The following TRAK1 variants were observed in gnomAD, a reference collection of about 807,000 sequenced individuals.
TRAK1 encodes trafficking kinesin protein 1, also known as trafficking kinesin-binding protein 1.
TRAK1 carries 33 observed loss-of-function variants against 92.1 expected under a neutral mutation model. The ratio of observed to expected loss-of-function variants is 0.36; its 90% CI spans 0.27 to 0.48. The LOEUF is 0.48. TRAK1 is among the 20% of genes least tolerant of loss of function. The pLI is 0.99. For missense variants in TRAK1, 1,123 were observed against 1,257.9 expected (o/e 0.89, Z 1.62); for synonymous variants, 521 against 517.3 (o/e 1.01, Z -0.10).
chr3:42,219,726 C>T (rs1421558425), intron 15 of TRAK1, 130 bp downstream of exon 15: 1 of 916,810 alleles, frequency 1.1e-6, no homozygotes. Flanking sequence ...CCAGTGTAAG[C>T]ATCTCAGCAT....
chr3:42,029,729 T>A (rs1408739465), intron 1 of TRAK1, among the ~76,000 whole-genome samples: 2 of 152,054 alleles, frequency 1.3e-5, no homozygotes, highest in Non-Finnish European at 2.9e-5. Context: ...TTTGTATTTT[T>A]AGTAGAGACG....
intron 2 of TRAK1, chr3:42,149,420 G>A: frequency 6.7e-7 from 1 of 1,499,054 alleles, no homozygotes; most frequent in Non-Finnish European, 8.9e-7. Context: ...TAATTCTGGT[G>A]TGTTTCGGGA....
At chr3:42,092,344 C>A (rs1181490507) in intron 1 of TRAK1, among the ~76,000 whole-genome samples, 2 of 152,238 alleles carry the variant, frequency 1.3e-5, no homozygotes, top group Non-Finnish European at 2.9e-5. Context: ...AAGTGAGCTC[C>A]TGTTCCATTC....
chr3:42,219,026 CTGTT>C (rs1710039103), intron 14 of TRAK1: 1 of 985,326 alleles, frequency 1.0e-6, no homozygotes, highest in Non-Finnish European at 1.2e-6. Context: ...GAGCCTTGCC[CTGTT>C]TGCAGGTTTC....
upstream of TRAK1, among the ~76,000 whole-genome samples, chr3:42,089,915 A>G (rs567375775): frequency 3.3e-5 from 5 of 152,260 alleles, no homozygotes; most frequent in South Asian, 2.1e-4. Flanking sequence ...GGGTGTATCA[A>G]TTGTGTCAAT....
intron 2 of TRAK1, 121 bp from the exon 3 acceptor site, chr3:42,176,693 G>A (rs894072975): frequency 5.9e-6 from 5 of 843,180 alleles, no homozygotes; most frequent in African/African-American, 1.7e-5. Context: ...TGAACCCAGC[G>A]AGCCAGTGAC....
At chr3:42,102,437 C>T (rs1279720689) in intron 1 of TRAK1, among the ~76,000 whole-genome samples, 1 of 152,212 alleles carries the variant, frequency 6.6e-6, no homozygotes, top group Non-Finnish European at 1.5e-5. Context: ...GTGATATCTT[C>T]TGTTTTCCAG....
intron 15 of TRAK1, among the ~76,000 whole-genome samples, chr3:42,221,422 T>C (rs1422342846): frequency 6.6e-6 from 1 of 152,098 alleles, no homozygotes; most frequent in East Asian, 1.9e-4. Flanking sequence ...AGGGCTGAGG[T>C]CACCTGAATG....
chr3:42,186,938 T>G (rs192861990), intron 4 of TRAK1, among the ~76,000 whole-genome samples: 19 of 152,364 alleles, frequency 1.2e-4, no homozygotes, highest in Admixed American at 4.6e-4. Flanking sequence ...CTAAGTCAAA[T>G]TATAAACAAG....
chr3:42,144,546 A>C (rs1699092705), intron 2 of TRAK1, among the ~76,000 whole-genome samples: 1 of 152,136 alleles, frequency 6.6e-6, no homozygotes, highest in Non-Finnish European at 1.5e-5. Context: ...GTTATTTTTT[A>C]CTTGTTTTAT....
rs1157067369 is a variant in TRAK1 at position 42,054,904 on chromosome 3, A to ATTTTTTTTTTTTTTTTTTTTTTTT, written c.-518-32189_-518-32166dup. Among the ~76,000 whole-genome samples the ATTTTTTTTTTTTTTTTTTTTTTTT allele has an allele frequency of 2.4e-4, 9 of 37,104 alleles. 2 individuals are homozygous for ATTTTTTTTTTTTTTTTTTTTTTTT. Among genetic ancestry groups the ATTTTTTTTTTTTTTTTTTTTTTTT allele is most frequent in the African/African-American group, 8.1e-4 (9 of 11,104 alleles). 24.3% of individuals were successfully genotyped at this position (37,104 alleles called of 152,430 possible). Reference sequence around the variant, plus strand: ...TTGTAAATGATCTACAGCAAACTAGATTTTTTTTTTTTTTTTTTTTTTTTT... The same window carrying ATTTTTTTTTTTTTTTTTTTTTTTT: ...TTGTAAATGATCTACAGCAAACTAGATTTTTTTTTTTTTTTTTTTTTTTTTTTTTTTTTTTTTTTTTTTTTTTTT... On this transcript the variant is annotated intron_variant, in intron 1 of 16. Transcript: ENST00000487159.
At chr3:42,115,590 T>C (rs998106209) in intron 1 of TRAK1, among the ~76,000 whole-genome samples, 3 of 152,228 alleles carry the variant, frequency 2.0e-5, no homozygotes, top group African/African-American at 7.2e-5. Context: ...TCCGTTTTCT[T>C]AGAAAGCGTT....
intron 1 of TRAK1, among the ~76,000 whole-genome samples, chr3:42,033,757 G>A (rs745761826): frequency 6.6e-6 from 1 of 152,086 alleles, no homozygotes; most frequent in South Asian, 2.1e-4. Context: ...AGATGCATTC[G>A]GTGAAGGAGA....
chr3:42,182,158 T>C (rs1559886502), intron 3 of TRAK1, among the ~76,000 whole-genome samples: 1 of 152,016 alleles, frequency 6.6e-6, no homozygotes, highest in Non-Finnish European at 1.5e-5. Context: ...GAGATGAGCA[T>C]CTCTGTTGAT....
chr3:42,014,613 A>G (rs1239011886), intron 1 of TRAK1, among the ~76,000 whole-genome samples: 2 of 152,228 alleles, frequency 1.3e-5, no homozygotes, highest in African/African-American at 4.8e-5. Context: ...AAATGTAATG[A>G]ACTGTATCGT....
At chr3:42,058,818 A>C (rs1321079075) in intron 1 of TRAK1, among the ~76,000 whole-genome samples, 5 of 152,226 alleles carry the variant, frequency 3.3e-5, no homozygotes, top group Non-Finnish European at 7.3e-5. Context: ...TGTACCTCTA[A>C]GAAAGCAAAA....
intron 1 of TRAK1, among the ~76,000 whole-genome samples, chr3:42,124,014 A>G (rs1483491784): frequency 1.3e-5 from 2 of 152,030 alleles, no homozygotes; most frequent in African/African-American, 4.8e-5. Flanking sequence ...GGTGCACATC[A>G]GTGGTCCTGG....
At chr3:42,201,155 G>C in intron 12 of TRAK1, 101 bp downstream of exon 12, 41 of 1,271,536 alleles carry the variant, frequency 3.2e-5, no homozygotes, top group Non-Finnish European at 4.3e-5. Context: ...GTAGATGAGA[G>C]TCACCTGAAA....
At chr3:42,035,380 C>G (rs895924667) in intron 1 of TRAK1, among the ~76,000 whole-genome samples, 1 of 152,162 alleles carries the variant, frequency 6.6e-6, no homozygotes, top group East Asian at 1.9e-4. Context: ...AGACCTGTCT[C>G]CTGAGCTCTG....
Sources: allele counts gnomAD v4.1 joint callset (sites outside exome capture counted in the v4.1 genomes callset), GRCh38; gene constraint gnomAD v4.1.1; transcripts MANE v1.5; gene names NCBI Gene and HGNC (gene_info 2026-07-23, HGNC 2026-07-21).